ASAP1: variants seen among roughly 807,000 people sequenced by gnomAD.
The protein encoded by ASAP1 is arf-GAP with SH3 domain, ANK repeat and PH domain-containing protein 1.
A neutral mutation model predicts 145.2 loss-of-function variants in ASAP1; 43 were observed. The ratio of observed to expected loss-of-function variants is 0.30; its 90% CI spans 0.23 to 0.38. ASAP1 has a LOEUF of 0.38. ASAP1 is among the 10% of genes least tolerant of loss of function. ASAP1 has a pLI of 1.00. For missense variants in ASAP1, 1,018 were observed against 1,355.3 expected (o/e 0.75, Z 3.91); for synonymous variants, 546 against 515.5 (o/e 1.06, Z -0.80).
chr8:130,375,212 C>A (rs951855320), intron 2 of ASAP1, among the ~76,000 whole-genome samples: 5 of 152,082 alleles, frequency 3.3e-5, no homozygotes, highest in African/African-American at 1.2e-4. Context: ...TGCTTAGTCG[C>A]AGGGCTCTAA....
At chr8:130,314,039 A>C (rs191404703) in intron 3 of ASAP1, among the ~76,000 whole-genome samples, 1 of 152,342 alleles carries the variant, frequency 6.6e-6, no homozygotes, top group African/African-American at 2.4e-5. Flanking sequence ...TGAATATAGA[A>C]GTACTGCATG....
rs575923419 is a variant in ASAP1 at position 130,187,412 on chromosome 8, G to A, written c.481-127C>T. 1.2e-4 allele frequency: 89 copies of A among 732,460 alleles called. No individual in the cohort carries two copies. The South Asian group carries it at 1.3e-3, about 11-fold the overall frequency. The allele number at this position is 732,460 out of a possible 1,614,324, so 45.4% of individuals were successfully genotyped here. A position where few individuals can be genotyped will look rare whatever the true frequency, so the allele number is the denominator to read the frequency against. On this transcript the variant is annotated intron_variant, in intron 6 of 29. Coordinates refer to ENST00000518721, the MANE Select transcript of ASAP1 (RefSeq NM_018482.4). The stretch of plus-strand genomic sequence containing the variant: ...ACACTGGGAACTTCACTTTATGCAC[G>A]TTACACCATTTTTTTTTTTTTTTGA...
At chr8:130,154,659 C>A (rs2097654342) in intron 12 of ASAP1, among the ~76,000 whole-genome samples, 2 of 152,176 alleles carry the variant, frequency 1.3e-5, no homozygotes, top group Non-Finnish European at 2.9e-5. Flanking sequence ...GCTGCCACAA[C>A]ACAAATTTAA....
chr8:130,387,364 C>T (rs1025612748), intron 2 of ASAP1, among the ~76,000 whole-genome samples: 1 of 152,074 alleles, frequency 6.6e-6, no homozygotes, highest in Non-Finnish European at 1.5e-5. Flanking sequence ...GGCAAAACCT[C>T]GTCCCTACTC....
At chr8:130,441,727 C>G (rs980453721) in intron 1 of ASAP1, among the ~76,000 whole-genome samples, 1 of 152,166 alleles carries the variant, frequency 6.6e-6, no homozygotes, top group African/African-American at 2.4e-5. Context: ...CTGGTGAGGA[C>G]TGGGGAGGTG....
chr8:130,170,192 C>CT (rs34038220), intron 9 of ASAP1, among the ~76,000 whole-genome samples: 47 of 149,094 alleles, frequency 3.2e-4, no homozygotes, highest in Admixed American at 6.0e-4. Flanking sequence ...TAAGGAATAT[C>CT]TTTTTTTTTT....
rs1386495599 is a variant in ASAP1 at position 130,400,140 on chromosome 8, A to C, written c.59+1745T>G. On this transcript the variant is annotated intron_variant, in intron 2 of 29. Coordinates refer to ENST00000518721, the MANE Select transcript of ASAP1 (RefSeq NM_018482.4). ...TGGCCGAAAGCCGGTGTCTTGTGTGAGATCACACAGCAAATCAGTGCCAGG... is the reference window on the plus strand; with the variant it reads ...TGGCCGAAAGCCGGTGTCTTGTGTGCGATCACACAGCAAATCAGTGCCAGG... 4.6e-5 allele frequency among the ~76,000 whole-genome samples: 7 copies of C among 152,138 alleles called. No individual in the cohort carries two copies. In the East Asian group the frequency reaches 1.4e-3, roughly 29 times the overall value.
intron 3 of ASAP1, among the ~76,000 whole-genome samples, chr8:130,238,929 A>G (rs560791385): frequency 1.8e-4 from 28 of 152,234 alleles, no homozygotes; most frequent in African/African-American, 6.7e-4. Context: ...CCTACATTCT[A>G]ACTCCATATC....
At position 130,091,998 on chromosome 8, in the gene ASAP1, G is replaced by A. The variant is rs764842362; in HGVS notation, c.2547C>T (p.Pro849=). The A allele has an allele frequency of 6.4e-7, 1 of 1,558,910 alleles. No individual in the cohort carries two copies. ...CCCAAGGAACTGCGCCTTTGTTTGG[G>A]GGCCCATGAGGTAGTGGGCTGGGAG... ...SDPPSPLPHG[P]PNKGAVPWGN... is the part of the protein sequence containing the mutation. The change falls in exon 25 of 30, where the codon CCC becomes CCT. Residue 849 remains proline, a synonymous_variant. Coordinates refer to ENST00000518721, the MANE Select transcript of ASAP1 (RefSeq NM_018482.4).
chr8:130,406,961 A>C (rs1188991244), intron 1 of ASAP1, among the ~76,000 whole-genome samples: 1 of 152,094 alleles, frequency 6.6e-6, no homozygotes, highest in African/African-American at 2.4e-5. Context: ...GCTTTCTCCA[A>C]TTTTCCCAGC....
intron 13 of ASAP1, chr8:130,152,508 C>A (rs2097648644): frequency 5.6e-6 from 2 of 355,194 alleles, no homozygotes; most frequent in Non-Finnish European, 1.0e-5. Context: ...AATCAAAATA[C>A]CGTATTCATT....
At chr8:130,325,890 G>T (rs536867063) in intron 3 of ASAP1, among the ~76,000 whole-genome samples, 1 of 152,238 alleles carries the variant, frequency 6.6e-6, no homozygotes, top group East Asian at 1.9e-4. Flanking sequence ...GCTTTAGGGA[G>T]TACTAAATAT....
intron 29 of ASAP1, among the ~76,000 whole-genome samples, chr8:130,055,874 G>GT (rs889273995): frequency 9.9e-5 from 15 of 152,186 alleles, no homozygotes; most frequent in African/African-American, 3.6e-4. Flanking sequence ...CACCCACCGC[G>GT]TGTGGTCTTA....
chr8:130,273,297 C>T (rs1820689894), intron 3 of ASAP1, among the ~76,000 whole-genome samples: 1 of 151,806 alleles, frequency 6.6e-6, no homozygotes, highest in South Asian at 2.1e-4. Flanking sequence ...AATCTCTTTC[C>T]TTTCTGAGGA....
intron 15 of ASAP1, among the ~76,000 whole-genome samples, chr8:130,131,017 C>T (rs902664740): frequency 6.6e-6 from 1 of 152,110 alleles, no homozygotes; most frequent in South Asian, 2.1e-4. Context: ...ATTAGCCAGG[C>T]GTGGTGGCAC....
intron 4 of ASAP1, among the ~76,000 whole-genome samples, chr8:130,233,346 C>A (rs1376535592): frequency 6.6e-6 from 1 of 152,164 alleles, no homozygotes; most frequent in Non-Finnish European, 1.5e-5. Flanking sequence ...ATTCACTCAA[C>A]CCTTGTTGAG....
intron 16 of ASAP1, among the ~76,000 whole-genome samples, chr8:130,127,048 C>T (rs1042245378): frequency 1.3e-4 from 20 of 152,094 alleles, no homozygotes; most frequent in African/African-American, 2.9e-4. Context: ...CTCAGTACAG[C>T]GGGAACACTC....
chr8:130,179,416 G>C lies in ASAP1; in HGVS notation c.661-67C>G, dbSNP rs571904767. 1.0e-5 allele frequency: 10 copies of C among 960,646 alleles called. No homozygotes were observed. In the African/African-American group the frequency reaches 1.6e-4, roughly 15 times the overall value. The allele number at this position is 960,646 out of a possible 1,614,324, so 59.5% of individuals were successfully genotyped here. On this transcript the variant is annotated intron_variant, in intron 8 of 29. Transcript: ENST00000518721. ...TGGGGCTCTTCAGCCATGGGTTCAGGTGGCTGAACATCACCCCTGAATCTG... is the reference window on the plus strand; with the variant it reads ...TGGGGCTCTTCAGCCATGGGTTCAGCTGGCTGAACATCACCCCTGAATCTG...
At chr8:130,423,445 T>C (rs6982649) in intron 1 of ASAP1, among the ~76,000 whole-genome samples, 9,538 of 152,256 alleles carry the variant, frequency 0.063, 431 homozygotes, top group Non-Finnish European at 0.1. Flanking sequence ...AAAATGTGCC[T>C]ACCCTTTGTC....
Sources: gnomAD v4.1 joint callset for allele counts (sites outside exome capture counted in the v4.1 genomes callset) on GRCh38, gnomAD v4.1.1 for gene constraint, MANE v1.5 for transcripts, NCBI Gene and HGNC (gene_info 2026-07-23, HGNC 2026-07-21) for gene names.